GABRR1: variants seen among roughly 807,000 people sequenced by gnomAD.
GABRR1 encodes gamma-aminobutyric acid receptor subunit rho-1.
GABRR1 carries 59 observed loss-of-function variants against 55.5 expected under a neutral mutation model. The ratio of observed to expected loss-of-function variants is 1.06; its 90% CI spans 0.86 to 1.32. GABRR1 has a LOEUF of 1.32. Ranked by LOEUF, GABRR1 falls within the 40% of genes most tolerant of loss-of-function variation. GABRR1 has a pLI of 0.00. For synonymous variants in GABRR1, 213 were observed against 226.0 expected, an observed-to-expected ratio of 0.94 and a Z score of 0.51; for missense variants, 602 against 619.1, an observed-to-expected ratio of 0.97 and a Z score of 0.29.
chr6:89,197,909 T>C (rs1463539056), intron 5 of GABRR1, 111 bp downstream of exon 5: 1 of 788,290 alleles, frequency 1.3e-6, no homozygotes, highest in Non-Finnish European at 2.1e-6. Flanking sequence ...GTTGAGAAGC[T>C]GGCAACTACT....
In GABRR1 at chr6:89,178,903, G is replaced by A. The variant is rs1244749079; in HGVS notation, c.1307C>T (p.Pro436Leu). Reference protein sequence around the residue: ...QLTLASERSSPQRKSQRSSYV... With the variant: ...QLTLASERSSLQRKSQRSSYV... ...GCTGCTTCTCTGACTTTTCCTCTGT[G>A]GGGAGCTCCTCTCTGAGGCCAGGGT... The change falls in exon 10 of 10, where the codon CCA becomes CTA. Residue 436 changes from proline to leucine, a missense_variant. Physicochemically the swap from Pro to Leu is moderately conservative, Grantham distance 98 (BLOSUM62 -3). Coordinates refer to ENST00000454853, the MANE Select transcript of GABRR1 (RefSeq NM_002042.5). 3 of 1,614,112 alleles carry A rather than the reference G, an allele frequency of 1.9e-6. No individual in the cohort carries two copies. The highest frequency in any genetic ancestry group is 2.2e-5 in the East Asian group (1 of 44,888).
chr6:89,195,674 T>C (rs191652581), intron 5 of GABRR1, among the ~76,000 whole-genome samples: 208 of 152,384 alleles, frequency 1.4e-3, no homozygotes, highest in Non-Finnish European at 2.4e-3. Context: ...ACCAGACTTA[T>C]CTTGTAAAAA....
chr6:89,180,220 G>A (rs1197343624), intron 9 of GABRR1, 72 bp downstream of exon 9: 33 of 1,519,644 alleles, frequency 2.2e-5, no homozygotes, highest in Non-Finnish European at 2.9e-5. Flanking sequence ...GAGAAGGTCT[G>A]CCCTGCCTGA....
chr6:89,189,527 G>A (rs1772019798), intron 6 of GABRR1, among the ~76,000 whole-genome samples: 1 of 111,682 alleles, frequency 9.0e-6, no homozygotes, highest in Non-Finnish European at 1.8e-5. Flanking sequence ...GGGGGGAGGG[G>A]GGAGGGATAG....
In GABRR1 at chr6:89,185,463, G is replaced by GTGAAAAGACA. The variant is rs752879906; in HGVS notation, c.656-14_656-13insTGTCTTTTCA. 91 of 1,612,712 alleles carry GTGAAAAGACA rather than the reference G, an allele frequency of 5.6e-5. 1 individual carries two copies. The East Asian group carries it at 1.8e-3, about 31-fold the overall frequency. ...TCTGTATAGGCATCTGAAAAGACAGGGGCCAGCATCAGACACAAGGTGGTG... is the reference window on the plus strand; with the variant it reads ...TCTGTATAGGCATCTGAAAAGACAGGTGAAAAGACAGGCCAGCATCAGACACAAGGTGGTG... On this transcript the variant is annotated splice_polypyrimidine_tract_variant and intron_variant, in intron 6 of 9. Coordinates refer to ENST00000454853, the MANE Select transcript of GABRR1 (RefSeq NM_002042.5).
chr6:89,212,704 A>G (rs895548447), intron 1 of GABRR1, among the ~76,000 whole-genome samples: 18 of 151,868 alleles, frequency 1.2e-4, no homozygotes, highest in Non-Finnish European at 2.5e-4. Context: ...ACAGGGTCAG[A>G]TGGGCCCAGG....
chr6:89,224,897 C>G (rs1773173822), intron 1 of GABRR1, among the ~76,000 whole-genome samples: 1 of 152,148 alleles, frequency 6.6e-6, no homozygotes, highest in South Asian at 2.1e-4. Flanking sequence ...ATTCTCCTGC[C>G]TCAGCCTCCC....
chr6:89,223,249 C>T (rs1773139862), intron 1 of GABRR1, among the ~76,000 whole-genome samples: 1 of 152,162 alleles, frequency 6.6e-6, no homozygotes. Flanking sequence ...AATTCTTATG[C>T]CTTTGCATCC....
intron 4 of GABRR1, 41 bp downstream of exon 4, chr6:89,199,321 G>A: frequency 1.3e-6 from 2 of 1,590,048 alleles, no homozygotes; most frequent in East Asian, 2.2e-5. Context: ...GACCGGCTTT[G>A]TGAATCCCCC....
chr6:89,199,695 G>T (rs531704121), intron 3 of GABRR1, among the ~76,000 whole-genome samples: 1 of 152,216 alleles, frequency 6.6e-6, no homozygotes, highest in African/African-American at 2.4e-5. Context: ...TCAAAAGCTG[G>T]GTCTGATCTA....
intron 1 of GABRR1, among the ~76,000 whole-genome samples, chr6:89,204,077 T>C (rs1025645085): frequency 6.6e-6 from 1 of 152,224 alleles, no homozygotes; most frequent in Non-Finnish European, 1.5e-5. Flanking sequence ...ATATTTCCCC[T>C]TCTAGTCGAG....
At position 89,185,359 on chromosome 6, in the gene GABRR1, G is replaced by C. The variant is rs1421505867; in HGVS notation, c.747C>G (p.Leu249=). 1 of 1,613,938 alleles carries C rather than the reference G, an allele frequency of 6.2e-7. No homozygotes were observed. The highest frequency in any genetic ancestry group is 8.5e-7 in the Non-Finnish European group (1 of 1,179,846). Residue 249 remains leucine (L), a synonymous_variant, in exon 7 of 10, where the codon CTC becomes CTG. Transcript: ENST00000454853. ...TGGTGGTGGTGTGGAATTCCTGAAT[G>C]AGGAACTGGGAGAGTGAGATCCGTT... ...TDERISLSQF[L]IQEFHTTTKL... is the part of the protein sequence containing the mutation.
intron 5 of GABRR1, among the ~76,000 whole-genome samples, chr6:89,195,192 G>A (rs945599052): frequency 6.6e-6 from 1 of 152,096 alleles, no homozygotes; most frequent in Non-Finnish European, 1.5e-5. Flanking sequence ...CGGGCATGGT[G>A]GCTCACGTCT....
intron 1 of GABRR1, among the ~76,000 whole-genome samples, chr6:89,215,085 C>T (rs988111575): frequency 6.6e-6 from 1 of 152,152 alleles, no homozygotes; most frequent in Non-Finnish European, 1.5e-5. Context: ...CTTGTAACAC[C>T]ATTGGTGGGA....
intron 1 of GABRR1, among the ~76,000 whole-genome samples, chr6:89,212,588 T>C (rs9451181): frequency 0.53 from 80,041 of 151,760 alleles, 21,427 homozygotes; most frequent in Middle Eastern, 0.61. Flanking sequence ...CAGGGGCCCA[T>C]AGTGTAGACA....
chr6:89,208,878 T>C (rs13201083), intron 1 of GABRR1, among the ~76,000 whole-genome samples: 26,616 of 152,260 alleles, frequency 0.17, 2,923 homozygotes, highest in African/African-American at 0.31. Flanking sequence ...ATCTGAGCTG[T>C]TGCCTGCAGC....
chr6:89,203,805 A>G (rs1772556448), intron 1 of GABRR1, among the ~76,000 whole-genome samples: 1 of 152,202 alleles, frequency 6.6e-6, no homozygotes, highest in African/African-American at 2.4e-5. Flanking sequence ...TGTACACTTT[A>G]ACTTTGATCC....
rs1038478604 is a variant in GABRR1, at chr6:89,178,456, G to T, written c.*314C>A. On this transcript the variant is annotated 3_prime_UTR_variant, in exon 10 of 10. Coordinates refer to ENST00000454853, the MANE Select transcript of GABRR1 (RefSeq NM_002042.5). ...GAATAGCATCAAGGGTCTAACGGGT[G>T]GAACTAAATGTGCCCACAACACTGG... The T allele has an allele frequency of 5.5e-6, 2 of 362,738 alleles. No homozygotes were observed. The highest frequency in any genetic ancestry group is 4.1e-5 in the African/African-American group (2 of 48,234). 22.5% of individuals were successfully genotyped at this position (362,738 alleles called of 1,614,324 possible).
At chr6:89,223,657 A>G (rs1466760151) in intron 1 of GABRR1, among the ~76,000 whole-genome samples, 1 of 149,958 alleles carries the variant, frequency 6.7e-6, no homozygotes, top group Non-Finnish European at 1.5e-5. Context: ...ACTAGTTTAC[A>G]TTCCCATCAG....
Sources: allele counts gnomAD v4.1 joint callset (sites outside exome capture counted in the v4.1 genomes callset), GRCh38; gene constraint gnomAD v4.1.1; transcripts MANE v1.5; gene names NCBI Gene and HGNC (gene_info 2026-07-23, HGNC 2026-07-21).